The following ADAMTS6 variants were observed in gnomAD, a reference collection of about 807,000 sequenced individuals.
ADAMTS6 encodes the protein A disintegrin and metalloproteinase with thrombospondin motifs 6.
A neutral mutation model predicts 144.3 loss-of-function variants in ADAMTS6; 23 were observed. That is an observed-to-expected ratio of 0.16 (90% CI 0.11 to 0.23). The LOEUF is 0.23. ADAMTS6 is among the 10% of genes least tolerant of loss of function. The probability of loss-of-function intolerance (pLI) is 1.00; values close to 1 mark genes in which losing one functional copy is unlikely to be tolerated. For synonymous variants in ADAMTS6, 444 were observed against 457.5 expected, an observed-to-expected ratio of 0.97 and a Z score of 0.38; for missense variants, 999 against 1,379.6, an observed-to-expected ratio of 0.72 and a Z score of 4.37.
chr5:65,291,883 C>A (rs1039098874), intron 10 of ADAMTS6, among the ~76,000 whole-genome samples: 1 of 151,782 alleles, frequency 6.6e-6, no homozygotes, highest in Non-Finnish European at 1.5e-5. Context: ...CCTTAAAGAC[C>A]TAATTTATAT....
chr5:65,401,559 C>G (rs540377185), intron 7 of ADAMTS6, among the ~76,000 whole-genome samples: 1 of 152,310 alleles, frequency 6.6e-6, no homozygotes, highest in Admixed American at 6.5e-5. Context: ...CCATTTAAAA[C>G]TAGGTCCTCC....
intron 12 of ADAMTS6, 109 bp from the exon 13 acceptor site, chr5:65,263,071 C>G: frequency 7.4e-7 from 1 of 1,357,598 alleles, no homozygotes; most frequent in Non-Finnish European, 1.0e-6. Flanking sequence ...TAGCATTCTC[C>G]CAATTGATAA....
At chr5:65,307,913 G>A (rs750029754) in intron 9 of ADAMTS6, among the ~76,000 whole-genome samples, 2 of 152,166 alleles carry the variant, frequency 1.3e-5, no homozygotes, top group African/African-American at 4.8e-5. Flanking sequence ...TTTGACTTTG[G>A]GGTATTAAAG....
chr5:65,347,171 T>A (rs576256450), intron 7 of ADAMTS6, among the ~76,000 whole-genome samples: 63 of 151,854 alleles, frequency 4.1e-4, no homozygotes, highest in African/African-American at 1.5e-3. Context: ...TCCAACGACA[T>A]TTTTCACAGA....
At chr5:65,407,952 GAT>G (rs1754702266) in intron 7 of ADAMTS6, among the ~76,000 whole-genome samples, 1 of 152,136 alleles carries the variant, frequency 6.6e-6, no homozygotes, top group African/African-American at 2.4e-5. Context: ...AATGCTGAGA[GAT>G]TTTGTCACCA....
At chr5:65,409,993 A>G (rs1754913846) in intron 7 of ADAMTS6, among the ~76,000 whole-genome samples, 1 of 152,254 alleles carries the variant, frequency 6.6e-6, no homozygotes, top group African/African-American at 2.4e-5. Flanking sequence ...CATACTCTAG[A>G]AAGAAAAAAC....
At chr5:65,158,086 C>A (rs1042272312) in intron 24 of ADAMTS6, among the ~76,000 whole-genome samples, 10 of 152,170 alleles carry the variant, frequency 6.6e-5, no homozygotes, top group African/African-American at 2.4e-4. Context: ...TCCCTCCAGA[C>A]CAGACAGCCA....
intron 7 of ADAMTS6, among the ~76,000 whole-genome samples, chr5:65,448,448 T>C (rs1394875699): frequency 7.0e-6 from 1 of 141,998 alleles, no homozygotes; most frequent in Non-Finnish European, 1.5e-5. Context: ...AACATATCCA[T>C]CATTTTTCCT....
chr5:65,177,445 T>C (rs1754048881), intron 22 of ADAMTS6, among the ~76,000 whole-genome samples: 1 of 152,178 alleles, frequency 6.6e-6, no homozygotes, highest in African/African-American at 2.4e-5. Context: ...GAAAAGTACC[T>C]CTGTCCCTCC....
At chr5:65,421,702 G>T (rs1214318729) in intron 7 of ADAMTS6, among the ~76,000 whole-genome samples, 1 of 152,102 alleles carries the variant, frequency 6.6e-6, no homozygotes, top group African/African-American at 2.4e-5. Flanking sequence ...AAAACCAACT[G>T]CTCTTCAACA....
intron 7 of ADAMTS6, among the ~76,000 whole-genome samples, chr5:65,365,510 G>C (rs975420093): frequency 3.3e-5 from 5 of 151,992 alleles, no homozygotes; most frequent in Admixed American, 6.6e-5. Flanking sequence ...AGCCAGTCAT[G>C]GTGGCACATG....
chr5:65,310,962 T>C (rs1281513903), intron 9 of ADAMTS6, among the ~76,000 whole-genome samples: 2 of 152,070 alleles, frequency 1.3e-5, no homozygotes, highest in Non-Finnish European at 2.9e-5. Context: ...AAGTTGCTCT[T>C]GAAGTAACTG....
intron 11 of ADAMTS6, among the ~76,000 whole-genome samples, chr5:65,276,869 T>C (rs1415687435): frequency 1.3e-5 from 2 of 152,232 alleles, no homozygotes; most frequent in Admixed American, 6.5e-5. Flanking sequence ...TTCTTTTTAC[T>C]ATCCACCAGC....
intron 8 of ADAMTS6, among the ~76,000 whole-genome samples, chr5:65,329,966 AAATG>A (rs1746560346): frequency 6.6e-6 from 1 of 152,180 alleles, no homozygotes; most frequent in Admixed American, 6.6e-5. Context: ...TTAAAAAATA[AAATG>A]AATGATTCAA....
chr5:65,258,495 G>C lies in ADAMTS6; in HGVS notation c.1830+2105C>G, dbSNP rs1451268071. ...GATTTAAGTAAAATGGGGAGCCATT[G>C]AGGGGTTTTGAGTAAAAGATAATCT... On this transcript the variant is annotated intron_variant, in intron 14 of 24. Transcript: ENST00000381055. Among the ~76,000 whole-genome samples the C allele has an allele frequency of 3.9e-5, 6 of 152,196 alleles. No homozygotes were observed. In the East Asian group the frequency reaches 1.2e-3, roughly 29 times the overall value.
chr5:65,344,666 T>G (rs1561447254), intron 7 of ADAMTS6, among the ~76,000 whole-genome samples: 1 of 151,834 alleles, frequency 6.6e-6, no homozygotes. Flanking sequence ...TTCCAAGGAG[T>G]GAAACATATT....
At chr5:65,347,968 A>G (rs1031906331) in intron 7 of ADAMTS6, among the ~76,000 whole-genome samples, 5 of 152,200 alleles carry the variant, frequency 3.3e-5, no homozygotes, top group African/African-American at 1.2e-4. Context: ...TAAAACCACA[A>G]TGAGAAATCA....
intron 15 of ADAMTS6, among the ~76,000 whole-genome samples, chr5:65,236,643 A>T (rs1014159864): frequency 1.3e-5 from 2 of 152,198 alleles, no homozygotes; most frequent in Admixed American, 1.3e-4. Flanking sequence ...ATTCTAGAAA[A>T]TTTCAAATAT....
intron 14 of ADAMTS6, among the ~76,000 whole-genome samples, chr5:65,254,972 C>A (rs1442265236): frequency 6.6e-6 from 1 of 152,198 alleles, no homozygotes; most frequent in Non-Finnish European, 1.5e-5. Flanking sequence ...GTTGCTCCTA[C>A]TACTACCACT....
Sources: gnomAD v4.1 joint callset for allele counts (sites outside exome capture counted in the v4.1 genomes callset) on GRCh38, gnomAD v4.1.1 for gene constraint, MANE v1.5 for transcripts, NCBI Gene and HGNC (gene_info 2026-07-23, HGNC 2026-07-21) for gene names.